Variants in EHBP1 observed in about 807,000 individuals in gnomAD.
The protein encoded by EHBP1 is EH domain binding protein 1.
A neutral mutation model predicts 144.0 loss-of-function variants in EHBP1; 55 were observed. That is an observed-to-expected ratio of 0.38 (90% CI 0.31 to 0.48). EHBP1 has a LOEUF of 0.48. Among genes scored for constraint, EHBP1 ranks in the 20% least tolerant of loss-of-function variants. EHBP1 has a pLI of 0.98. For missense variants in EHBP1, 1,200 were observed against 1,364.2 expected, an observed-to-expected ratio of 0.88 and a Z score of 1.90; for synonymous variants, 469 against 472.7, an observed-to-expected ratio of 0.99 and a Z score of 0.10.
At chr2:62,933,592 G>T (rs1381896656) in intron 10 of EHBP1, among the ~76,000 whole-genome samples, 1 of 151,938 alleles carries the variant, frequency 6.6e-6, no homozygotes, top group African/African-American at 2.4e-5. Context: ...TCTTCCAAAT[G>T]TTGTCACATT....
Position 62,921,563 on chromosome 2 carries a change from CACAA to C in EHBP1, c.1186-21153_1186-21150del, listed in dbSNP as rs200410490. On this transcript the variant is annotated intron_variant, in intron 10 of 22. Transcript: ENST00000431489. ...TTTCACTCTGGAAAAAAAAAATACA[CACAA>C]AAGAAGGCAATAATGTAGGAAATGA... 3.1e-4 allele frequency among the ~76,000 whole-genome samples: 46 copies of C among 149,022 alleles called. 1 individual carries two copies. In the East Asian group the frequency reaches 8.3e-3, roughly 27 times the overall value.
chr2:62,881,945 A>T (rs2051459220), intron 10 of EHBP1, among the ~76,000 whole-genome samples: 1 of 152,182 alleles, frequency 6.6e-6, no homozygotes, highest in Non-Finnish European at 1.5e-5. Context: ...GAAAGATTAC[A>T]AGTCCCCCAC....
chr2:62,682,160 T>G (rs542276692), intron 1 of EHBP1, among the ~76,000 whole-genome samples: 1 of 152,384 alleles, frequency 6.6e-6, no homozygotes, highest in South Asian at 2.1e-4. Flanking sequence ...GTGGAGGACA[T>G]GCCTACATTG....
intron 19 of EHBP1, among the ~76,000 whole-genome samples, chr2:63,009,425 A>G (rs938866402): frequency 5.9e-5 from 9 of 151,634 alleles, no homozygotes; most frequent in African/African-American, 9.7e-5. Flanking sequence ...CATGCTGAGA[A>G]GAAAAAGGAA....
intron 2 of EHBP1, among the ~76,000 whole-genome samples, chr2:62,714,235 G>T (rs1184356475): frequency 6.6e-6 from 1 of 152,180 alleles, no homozygotes; most frequent in East Asian, 1.9e-4. Flanking sequence ...AAGAAAAAAA[G>T]AAAGAAAGAA....
At chr2:63,005,565 AAG>A (rs1157412267) in intron 19 of EHBP1, among the ~76,000 whole-genome samples, 1 of 152,078 alleles carries the variant, frequency 6.6e-6, no homozygotes, top group East Asian at 1.9e-4. Context: ...CTTAAAGAAT[AAG>A]AACATATGCA....
intron 19 of EHBP1, among the ~76,000 whole-genome samples, chr2:63,031,533 A>G (rs550450017): frequency 2.6e-5 from 4 of 152,324 alleles, no homozygotes; most frequent in African/African-American, 9.6e-5. Flanking sequence ...TAGATTGTCA[A>G]GATAGTCATG....
chr2:62,818,139 G>A (rs899945801), intron 5 of EHBP1, among the ~76,000 whole-genome samples: 4 of 136,910 alleles, frequency 2.9e-5, no homozygotes, highest in Non-Finnish European at 4.8e-5. Flanking sequence ...CATGAGTGGA[G>A]CTTGCAGGCT....
chr2:62,858,296 T>C (rs1369580346), intron 7 of EHBP1: 2 of 653,350 alleles, frequency 3.1e-6, no homozygotes, highest in Admixed American at 2.3e-5. Flanking sequence ...ATGTATTCTG[T>C]TGATTAACCA....
chr2:62,690,302 G>A (rs1439985215), intron 1 of EHBP1, among the ~76,000 whole-genome samples: 2 of 152,150 alleles, frequency 1.3e-5, no homozygotes, highest in African/African-American at 2.4e-5. Flanking sequence ...GGTGGCTCAC[G>A]CTTGTAATCC....
In EHBP1 at chr2:62,993,640, T is replaced by C; in HGVS notation, c.2844T>C (p.Ser948=). The change falls in exon 17 of 23, where the codon TCT becomes TCC. Residue 948 remains serine, a synonymous_variant. Transcript: ENST00000431489. Reference sequence around the variant, plus strand: ...CAGTCAGAAAAACTCAACTTCAGTCTTTCAGCCAATATATTGAGAATAGAC... The same window carrying C: ...CAGTCAGAAAAACTCAACTTCAGTCCTTCAGCCAATATATTGAGAATAGAC... ...DSTVRKTQLQ[S]FSQYIENRPE... 1 of 1,608,434 alleles carries C rather than the reference T, an allele frequency of 6.2e-7. No individual in the cohort carries two copies. The highest frequency in any genetic ancestry group is 8.5e-7 in the Non-Finnish European group (1 of 1,176,664).
At chr2:62,860,498 GA>G (rs56995103) in intron 8 of EHBP1, among the ~76,000 whole-genome samples, 95,082 of 150,690 alleles carry the variant, frequency 0.63, 29,976 homozygotes, top group South Asian at 0.69. Context: ...CTCAAAAAAA[GA>G]AAAAAAAAAT....
At chr2:62,870,893 T>C (rs1252322893) in intron 9 of EHBP1, among the ~76,000 whole-genome samples, 1 of 151,942 alleles carries the variant, frequency 6.6e-6, no homozygotes, top group Non-Finnish European at 1.5e-5. Context: ...TGGGTATGGC[T>C]AGGTTTTGAT....
intron 19 of EHBP1, 134 bp downstream of exon 19, chr2:62,996,900 T>G: frequency 7.7e-7 from 1 of 1,293,962 alleles, no homozygotes; most frequent in African/African-American, 1.5e-5. Context: ...AGGCTGCGAT[T>G]TGCAGCCACC....
chr2:63,013,841 T>C (rs1045367165), intron 19 of EHBP1, among the ~76,000 whole-genome samples: 3 of 152,118 alleles, frequency 2.0e-5, no homozygotes, highest in Non-Finnish European at 4.4e-5. Flanking sequence ...AGGAGGAAAT[T>C]TGAACAAAAG....
intron 5 of EHBP1, among the ~76,000 whole-genome samples, chr2:62,801,527 A>C (rs1233531232): frequency 6.6e-6 from 1 of 152,208 alleles, no homozygotes; most frequent in African/African-American, 2.4e-5. Context: ...AATGCATTTG[A>C]TCAACATTTA....
chr2:62,767,632 C>A (rs1033471060), intron 4 of EHBP1, among the ~76,000 whole-genome samples: 1 of 151,730 alleles, frequency 6.6e-6, no homozygotes, highest in Non-Finnish European at 1.5e-5. Context: ...CTCAGGAGTT[C>A]AAGACCATCC....
intron 7 of EHBP1, among the ~76,000 whole-genome samples, chr2:62,834,665 T>C (rs2152678792): frequency 6.6e-6 from 1 of 152,372 alleles, no homozygotes; most frequent in Middle Eastern, 3.4e-3. Context: ...TTTAGTGATC[T>C]GGAACCAGAC....
chr2:62,674,163 G>A (rs1387997556), intron 1 of EHBP1: 4 of 470,752 alleles, frequency 8.5e-6, no homozygotes, highest in Admixed American at 2.4e-5. Context: ...GATCTTACTA[G>A]CAAATGGTCC....
Sources: gnomAD v4.1 joint callset for allele counts (sites outside exome capture counted in the v4.1 genomes callset) on GRCh38, gnomAD v4.1.1 for gene constraint, MANE v1.5 for transcripts, NCBI Gene and HGNC (gene_info 2026-07-23, HGNC 2026-07-21) for gene names.